Variants in PTPRD observed in about 807,000 individuals in gnomAD.
PTPRD encodes the protein protein tyrosine phosphatase receptor type D.
A neutral mutation model predicts 214.5 loss-of-function variants in PTPRD; 34 were observed. The ratio of observed to expected loss-of-function variants is 0.16; its 90% CI spans 0.12 to 0.21. PTPRD has a LOEUF of 0.21. Ranked by LOEUF, PTPRD falls within the 10% of genes least tolerant of loss-of-function variation. The probability of loss-of-function intolerance (pLI) is 1.00; values close to 1 mark genes in which losing one functional copy is unlikely to be tolerated. For synonymous variants in PTPRD, 1,128 were observed against 845.7 expected, an observed-to-expected ratio of 1.33 and a Z score of -5.79; for missense variants, 2,545 against 2,398.7, an observed-to-expected ratio of 1.06 and a Z score of -1.27.
intron 9 of PTPRD, among the ~76,000 whole-genome samples, chr9:9,193,821 G>C (rs761055976): frequency 6.6e-6 from 1 of 151,874 alleles, no homozygotes; most frequent in Non-Finnish European, 1.5e-5. Context: ...CACAACTGTA[G>C]ACTTTATACG....
chr9:10,599,364 T>A (rs951382504), intron 2 of PTPRD, among the ~76,000 whole-genome samples: 1 of 151,844 alleles, frequency 6.6e-6, no homozygotes, highest in East Asian at 1.9e-4. Flanking sequence ...GGAAGTCTTA[T>A]GGTTACAGTA....
intron 14 of PTPRD, among the ~76,000 whole-genome samples, chr9:8,534,225 G>A (rs148597646): frequency 1.1e-4 from 17 of 151,840 alleles, no homozygotes; most frequent in Non-Finnish European, 1.9e-4. Flanking sequence ...CAGTTCCTAC[G>A]TGTCAGAAGC....
intron 42 of PTPRD, among the ~76,000 whole-genome samples, chr9:8,339,581 A>T (rs759737006): frequency 6.6e-6 from 1 of 152,070 alleles, no homozygotes; most frequent in Non-Finnish European, 1.5e-5. Flanking sequence ...CATTGGCCAA[A>T]TCAGAGTAAG....
rs376784816 is a variant in PTPRD at position 9,973,625 on chromosome 9, C to A, written c.-471-35015G>T. On this transcript the variant is annotated intron_variant, in intron 4 of 45. Coordinates refer to ENST00000381196, the MANE Select transcript of PTPRD (RefSeq NM_002839.4). ...GGAAGAAGCTGCATTCTCTTTATAT[C>A]TGTAAAGACCAAGTACATGGGGCAC... Among the ~76,000 whole-genome samples the A allele has an allele frequency of 8.1e-4, 124 of 152,276 alleles. 4 individuals are homozygous for A. In the South Asian group the frequency reaches 0.025, roughly 31 times the overall value.
chr9:10,094,323 T>C (rs928076075), intron 3 of PTPRD, among the ~76,000 whole-genome samples: 17 of 151,280 alleles, frequency 1.1e-4, no homozygotes, highest in African/African-American at 3.6e-4. Context: ...TCAGAGTCAC[T>C]GGATGTTGAA....
At chr9:9,170,588 C>A (rs1219957862) in intron 10 of PTPRD, among the ~76,000 whole-genome samples, 2 of 152,146 alleles carry the variant, frequency 1.3e-5, no homozygotes, top group Non-Finnish European at 2.9e-5. Context: ...CTGGCCCAGG[C>A]AGTTTGGCTT....
At chr9:8,611,953 A>T (rs2095466539) in intron 14 of PTPRD, among the ~76,000 whole-genome samples, 1 of 136,030 alleles carries the variant, frequency 7.4e-6, no homozygotes. Context: ...AAAAGAGAAA[A>T]CAAAAGAAAA....
At chr9:9,044,693 C>T (rs942612751) in intron 10 of PTPRD, among the ~76,000 whole-genome samples, 2 of 152,200 alleles carry the variant, frequency 1.3e-5, no homozygotes, top group African/African-American at 4.8e-5. Flanking sequence ...ATGCTGGGAA[C>T]TTGAGTCATT....
At chr9:9,553,495 T>C (rs2080820963) in intron 8 of PTPRD, among the ~76,000 whole-genome samples, 2 of 152,034 alleles carry the variant, frequency 1.3e-5, no homozygotes, top group Middle Eastern at 3.4e-3. Context: ...CCAAACTCTA[T>C]AAGTAGAAGG....
At chr9:10,068,841 T>C (rs773345405) in intron 3 of PTPRD, among the ~76,000 whole-genome samples, 2 of 151,964 alleles carry the variant, frequency 1.3e-5, no homozygotes, top group African/African-American at 2.4e-5. Flanking sequence ...ACACATGTTG[T>C]CTTTGTATTT....
At chr9:9,077,720 T>C (rs868128382) in intron 10 of PTPRD, among the ~76,000 whole-genome samples, 2 of 151,986 alleles carry the variant, frequency 1.3e-5, no homozygotes, top group Non-Finnish European at 2.9e-5. Flanking sequence ...TAGTCACATA[T>C]GATGGTCCAC....
chr9:8,320,610 G>C (rs1465512242), intron 44 of PTPRD, among the ~76,000 whole-genome samples: 1 of 151,706 alleles, frequency 6.6e-6, no homozygotes, highest in East Asian at 1.9e-4. Flanking sequence ...CTTATTTCTT[G>C]AGACTTAGAA....
intron 10 of PTPRD, among the ~76,000 whole-genome samples, chr9:9,073,481 C>T (rs533199939): frequency 4.0e-4 from 60 of 151,804 alleles, no homozygotes; most frequent in Admixed American, 2.0e-4. Flanking sequence ...TTTTCAGTTG[C>T]GATTAACATT....
chr9:9,643,301 G>A (rs1471659370), intron 7 of PTPRD, among the ~76,000 whole-genome samples: 1 of 152,032 alleles, frequency 6.6e-6, no homozygotes, highest in African/African-American at 2.4e-5. Flanking sequence ...TAAAAAGACA[G>A]ACTTATACTT....
chr9:10,465,471 G>A (rs779763352), intron 2 of PTPRD, among the ~76,000 whole-genome samples: 3 of 152,144 alleles, frequency 2.0e-5, no homozygotes, highest in Non-Finnish European at 4.4e-5. Flanking sequence ...ACCTACTAAA[G>A]AGTGTCGTCA....
At chr9:8,998,002 G>T (rs1220411024) in intron 11 of PTPRD, among the ~76,000 whole-genome samples, 2 of 152,028 alleles carry the variant, frequency 1.3e-5, no homozygotes, top group Non-Finnish European at 2.9e-5. Flanking sequence ...CAAGGAAGCT[G>T]CAGAAGAAAA....
At chr9:9,495,483 G>T (rs77815168) in intron 8 of PTPRD, among the ~76,000 whole-genome samples, 3 of 151,862 alleles carry the variant, frequency 2.0e-5, no homozygotes, top group African/African-American at 7.3e-5. Flanking sequence ...CCTACAGCCC[G>T]CCCTGCCCCT....
intron 8 of PTPRD, among the ~76,000 whole-genome samples, chr9:9,438,179 A>G (rs1020886583): frequency 1.1e-4 from 17 of 152,328 alleles, no homozygotes; most frequent in African/African-American, 3.8e-4. Context: ...TGAAGATCCT[A>G]TCTTTAGCAT....
intron 2 of PTPRD, among the ~76,000 whole-genome samples, chr9:10,341,834 C>T (rs78495997): frequency 6.6e-6 from 1 of 151,042 alleles, no homozygotes; most frequent in African/African-American, 2.5e-5. Context: ...AATATTAATT[C>T]TTTTTTCCCC....
Sources: gnomAD v4.1 joint callset for allele counts (sites outside exome capture counted in the v4.1 genomes callset) on GRCh38, gnomAD v4.1.1 for gene constraint, MANE v1.5 for transcripts, NCBI Gene and HGNC (gene_info 2026-07-23, HGNC 2026-07-21) for gene names.